GSTA5: variants seen among roughly 807,000 people sequenced by gnomAD.
GSTA5 encodes the protein glutathione S-transferase alpha 5, also known as glutathione S-transferase A5.
GSTA5 carries 25 observed loss-of-function variants against 21.8 expected under a neutral mutation model. The ratio of observed to expected loss-of-function variants is 1.14; its 90% CI spans 0.83 to 1.60. The LOEUF is 1.60. Among genes scored for constraint, GSTA5 ranks in the 40% most tolerant of loss-of-function variants. GSTA5 has a pLI of 0.00. For synonymous variants in GSTA5, 102 were observed against 89.5 expected (o/e 1.14, Z -0.78); for missense variants, 330 against 259.2 (o/e 1.27, Z -1.88).
intron 3 of GSTA5, among the ~76,000 whole-genome samples, chr6:52,835,538 G>T (rs753890045): frequency 6.6e-6 from 1 of 152,110 alleles, no homozygotes; most frequent in Non-Finnish European, 1.5e-5. Context: ...ATGCCTACTA[G>T]AGCAACTGCT....
rs781465761 is a variant in GSTA5 at position 52,831,801 on chromosome 6, C to G, written c.*47G>C. On this transcript the variant is annotated 3_prime_UTR_variant, in exon 6 of 6. Coordinates refer to ENST00000370989, the Ensembl canonical transcript of GSTA5. ...AGGTAAAGCACTTCATTGTTGCAAACTGTAGAATATTGGTCTGGCATGTTC... is the reference window on the plus strand; with the variant it reads ...AGGTAAAGCACTTCATTGTTGCAAAGTGTAGAATATTGGTCTGGCATGTTC... The G allele has an allele frequency of 3.7e-6, 6 of 1,608,508 alleles. No individual in the cohort carries two copies. In the South Asian group the frequency reaches 5.6e-5, roughly 15 times the overall value.
intron 4 of GSTA5, among the ~76,000 whole-genome samples, chr6:52,833,267 C>T (rs1581814633): frequency 6.6e-6 from 1 of 152,200 alleles, no homozygotes. Flanking sequence ...TCCACATGCG[C>T]CAAGGACTTA....
Position 52,838,447 on chromosome 6 carries a change from G to A in GSTA5, c.88-838C>T, listed in dbSNP as rs528001748. On this transcript the variant is annotated intron_variant, in intron 1 of 5. Coordinates refer to ENST00000370989, the Ensembl canonical transcript of GSTA5. Reference sequence around the variant, plus strand: ...AGTAGCAGGTGTATAGTAACTGCTCGTTAAATATAAGTTATGTTTAGAATT... The same window carrying A: ...AGTAGCAGGTGTATAGTAACTGCTCATTAAATATAAGTTATGTTTAGAATT... 7.2e-5 allele frequency among the ~76,000 whole-genome samples: 11 copies of A among 152,184 alleles called. 1 individual carries two copies. Among genetic ancestry groups the A allele is most frequent in the Admixed American group, 1.3e-4 (2 of 15,288 alleles).
At chr6:52,839,363 A>G (rs1764340110) in intron 1 of GSTA5, among the ~76,000 whole-genome samples, 2 of 152,138 alleles carry the variant, frequency 1.3e-5, no homozygotes, top group Admixed American at 1.3e-4. Flanking sequence ...GGCTCTGAAC[A>G]CATCCCTGAG....
chr6:52,842,495 T>A (rs1360803646), upstream of GSTA5, among the ~76,000 whole-genome samples: 2 of 148,028 alleles, frequency 1.4e-5, no homozygotes, highest in Non-Finnish European at 3.0e-5. Flanking sequence ...AACTTTAGCC[T>A]CCCAGTTTCA....
chr6:52,844,216 G>C (rs1396678163), upstream of GSTA5, among the ~76,000 whole-genome samples: 1 of 152,188 alleles, frequency 6.6e-6, no homozygotes, highest in Non-Finnish European at 1.5e-5. Context: ...CTGATTGCAG[G>C]ACCAGAGCTT....
chr6:52,844,533 A>G (rs1764428003), upstream of GSTA5, among the ~76,000 whole-genome samples: 1 of 152,202 alleles, frequency 6.6e-6, no homozygotes, highest in Non-Finnish European at 1.5e-5. Flanking sequence ...TAATTCCAGG[A>G]GTAAATTAAA....
At position 52,834,189 on chromosome 6, in the gene GSTA5, G is replaced by A. The variant is rs1449908244; in HGVS notation, c.366C>T (p.Ala122=). 4 of 1,614,140 alleles carry A rather than the reference G, an allele frequency of 2.5e-6. 1 individual carries two copies. ...GATTTTTTATTTTCTCTTTGACCAA[G>A]GCAGTCTTGGCATCTCTTTCCTCTG... The change falls in exon 4 of 6, where the codon GCC becomes GCT. Residue 122 remains alanine, a synonymous_variant. Coordinates refer to ENST00000370989, the Ensembl canonical transcript of GSTA5.
At chr6:52,843,106 A>G (rs1161106514), upstream of GSTA5, among the ~76,000 whole-genome samples, 2 of 152,162 alleles carry the variant, frequency 1.3e-5, no homozygotes, top group Non-Finnish European at 2.9e-5. Context: ...GCAGCATAGT[A>G]TTCCATGGTG....
intron 5 of GSTA5, 110 bp from the exon 6 acceptor site, chr6:52,832,080 A>G (rs1764225202): frequency 2.7e-6 from 4 of 1,459,282 alleles, no homozygotes; most frequent in East Asian, 4.7e-5. Flanking sequence ...AGTCCCCTCC[A>G]TGAGTACCAG....
intron 3 of GSTA5, among the ~76,000 whole-genome samples, chr6:52,834,694 GCC>G (rs1355234543): frequency 9.2e-5 from 14 of 152,100 alleles, no homozygotes; most frequent in African/African-American, 3.4e-4. Flanking sequence ...CCAAAGAGCT[GCC>G]CTCTAAGTAA....
At chr6:52,836,316 C>G (rs760531931) in exon 3 of GSTA5, 2 of 1,613,754 alleles carry the variant, frequency 1.2e-6, no homozygotes, top group Non-Finnish European at 1.7e-6. Flanking sequence ...TCTGCACCAG[C>G]TTCATCCCGT....
chr6:52,834,127 A>G lies in GSTA5; in HGVS notation c.414+14T>C. Reference sequence around the variant, plus strand: ...TAAACTCAGTTCCCCTAAACATTGAACAGCTTCACTTACTTTTTCAAAGGC... The same window carrying G: ...TAAACTCAGTTCCCCTAAACATTGAGCAGCTTCACTTACTTTTTCAAAGGC... On this transcript the variant is annotated intron_variant, in intron 4 of 5. Transcript: ENST00000370989. 1 of 1,614,118 alleles carries G rather than the reference A, an allele frequency of 6.2e-7. No individual in the cohort carries two copies. The highest frequency in any genetic ancestry group is 8.5e-7 in the Non-Finnish European group (1 of 1,179,988).
chr6:52,839,481 A>G (rs1764341974), intron 1 of GSTA5, among the ~76,000 whole-genome samples: 1 of 152,210 alleles, frequency 6.6e-6, no homozygotes, highest in Admixed American at 6.5e-5. Context: ...TTCTTCATAG[A>G]ACTGAGAAAG....
intron 4 of GSTA5, 46 bp from the exon 5 acceptor site, chr6:52,833,036 C>G (rs4715346): frequency 6.2e-7 from 1 of 1,612,164 alleles, no homozygotes; most frequent in South Asian, 1.1e-5. Flanking sequence ...CACACCCAGG[C>G]TGGGACCCCT....
chr6:52,836,205 T>C, intron 3 of GSTA5, 31 bp downstream of exon 3: 1 of 1,609,170 alleles, frequency 6.2e-7, no homozygotes, highest in Non-Finnish European at 8.5e-7. Context: ...CTGTGTTCTC[T>C]GTGGATGGAA....
exon 6 of GSTA5, chr6:52,831,705 GTTAT>G (rs1764217004): frequency 4.1e-6 from 4 of 982,598 alleles, no homozygotes; most frequent in African/African-American, 1.7e-5. Context: ...ACAGATAAGA[GTTAT>G]TTATTATTTA....
chr6:52,842,466 G>T (rs1466551115), upstream of GSTA5, among the ~76,000 whole-genome samples: 2 of 139,012 alleles, frequency 1.4e-5, no homozygotes, highest in Non-Finnish European at 3.0e-5. Context: ...GAGTGCTATG[G>T]TGCAATCTCA....
At chr6:52,841,402 G>A (rs1764376142), upstream of GSTA5, among the ~76,000 whole-genome samples, 1 of 152,196 alleles carries the variant, frequency 6.6e-6, no homozygotes, top group East Asian at 1.9e-4. Flanking sequence ...GAAACCAGAG[G>A]ATGTCACTGA....
Sources: gnomAD v4.1 joint callset for allele counts (sites outside exome capture counted in the v4.1 genomes callset) on GRCh38, gnomAD v4.1.1 for gene constraint, MANE v1.5 for transcripts, NCBI Gene and HGNC (gene_info 2026-07-23, HGNC 2026-07-21) for gene names.